Variants in SH3D21 observed in about 807,000 individuals in gnomAD.
SH3D21 encodes the protein SH3 domain-containing protein 21.
A neutral mutation model predicts 82.1 loss-of-function variants in SH3D21; 83 were observed. The ratio of observed to expected loss-of-function variants is 1.01; its 90% CI spans 0.85 to 1.21. The LOEUF (loss-of-function observed/expected upper bound fraction) is 1.21, where lower values mean the gene tolerates loss of function less well. Among genes scored for constraint, SH3D21 ranks in the 50% most tolerant of loss-of-function variants. The pLI is 0.00. For synonymous variants in SH3D21, 383 were observed against 387.8 expected, an observed-to-expected ratio of 0.99 and a Z score of 0.15; for missense variants, 980 against 962.1, an observed-to-expected ratio of 1.02 and a Z score of -0.25.
chr1:36,322,628 G>A, downstream of SH3D21: 4 of 1,545,530 alleles, frequency 2.6e-6, no homozygotes, highest in Non-Finnish European at 2.6e-6. Context: ...GCCGCGGGCG[G>A]GGCGCCCACG....
chr1:36,322,068 C>T (rs1646472450), downstream of SH3D21: 1 of 1,346,342 alleles, frequency 7.4e-7, no homozygotes, highest in East Asian at 3.0e-5. Context: ...GGTCACTTCA[C>T]CTCTTCATCG....
chr1:36,322,616 G>A, downstream of SH3D21: 1 of 1,547,786 alleles, frequency 6.5e-7, no homozygotes, highest in Non-Finnish European at 8.7e-7. Context: ...CCGGGCCCCG[G>A]GGCCGCGGGC....
chr1:36,320,626 C>CA lies in SH3D21; in HGVS notation c.1969dup (p.Thr657AsnfsTer30), dbSNP rs779458156. The CA allele has an allele frequency of 2.5e-6, 4 of 1,614,216 alleles. No homozygotes were observed. In the South Asian group the frequency reaches 4.4e-5, roughly 18 times the overall value. Reference sequence around the variant, plus strand: ...GCCCCCCATAGAAAGAGCCTTTGCCCAAAAAACACGTCCTATCAAGCCGCC... The same window carrying CA: ...GCCCCCCATAGAAAGAGCCTTTGCCCAAAAAAACACGTCCTATCAAGCCGCC... On this transcript the variant is annotated frameshift_variant, in exon 14 of 16. Transcript: ENST00000453908. LOFTEE classifies it high-confidence loss of function.
intron 10 of SH3D21, among the ~76,000 whole-genome samples, chr1:36,318,254 G>A (rs1646377158): frequency 6.6e-6 from 1 of 152,160 alleles, no homozygotes; most frequent in African/African-American, 2.4e-5. Context: ...AGGTTCAAGG[G>A]GCATGGGTTT....
At chr1:36,325,532 A>G (rs1296738097), downstream of SH3D21, among the ~76,000 whole-genome samples, 2 of 151,234 alleles carry the variant, frequency 1.3e-5, no homozygotes, top group Non-Finnish European at 3.0e-5. Flanking sequence ...ACTGAGGGAC[A>G]GTTTTTTTTT....
At chr1:36,308,344 T>C (rs1485169933) in intron 8 of SH3D21, 45 bp from the exon 9 acceptor site, 6 of 1,533,680 alleles carry the variant, frequency 3.9e-6, no homozygotes, top group Non-Finnish European at 5.3e-6. Flanking sequence ...GGAAAGGACC[T>C]TGGGGGACCT....
Position 36,320,967 on chromosome 1 carries a change from C to T in SH3D21, c.2188C>T (p.Arg730Trp), listed in dbSNP as rs201172117. 5.2e-4 allele frequency: 814 copies of T among 1,570,924 alleles called. 11 individuals carry two copies. The East Asian group carries it at 0.012, about 23-fold the overall frequency. Reference protein sequence around the residue: ...EELKSEKEQRRRLEVQVMQGT... With the variant: ...EELKSEKEQRWRLEVQVMQGT... ...GCTGAAGAGCGAGAAGGAGCAGCGC[C>T]GGCGGCTGGAGGTGAGGCGCGGGTC... The change falls in exon 15 of 16, where the codon CGG (arginine) becomes TGG (tryptophan). Residue 730 changes from arginine (R) to tryptophan (W), a missense_variant. By Grantham distance (101) the Arg-to-Trp change is moderately radical. Transcript: ENST00000453908.
downstream of SH3D21, chr1:36,322,526 C>T: frequency 6.2e-7 from 1 of 1,600,676 alleles, no homozygotes; most frequent in Non-Finnish European, 8.5e-7. Flanking sequence ...CGTCGGGGCC[C>T]AGCCGAGTCA....
chr1:36,321,294 C>A lies in SH3D21; in HGVS notation c.*167C>A. The stretch of plus-strand genomic sequence containing the variant: ...GGGGCAGGGCCTGGGCCTCCGCATT[C>A]CTGACGGTCCCTCCCAGGCACATCT... On this transcript the variant is annotated 3_prime_UTR_variant, in exon 16 of 16. Coordinates refer to ENST00000453908, the MANE Select transcript of SH3D21 (RefSeq NM_001162530.2). This position sits in a 1 kb window ranked among gnomAD's most constrained non-coding sequence, Gnocchi z 6.1. The A allele has an allele frequency of 6.9e-7, 1 of 1,442,118 alleles. No homozygotes were observed. Among genetic ancestry groups the A allele is most frequent in the East Asian group, 2.5e-5 (1 of 40,122 alleles). The allele number at this position is 1,442,118 out of a possible 1,614,324, so 89.3% of individuals were successfully genotyped here.
At position 36,307,930 on chromosome 1, in the gene SH3D21, G is replaced by C. The variant is rs1484187223; in HGVS notation, c.505G>C (p.Ala169Pro). ...CTTCCCCCACTAGCTGAGCAGCCTGGCCTATGACAGCCCTCCAGACTACCT... is the reference window on the plus strand; with the variant it reads ...CTTCCCCCACTAGCTGAGCAGCCTGCCCTATGACAGCCCTCCAGACTACCT... ...PQRPPKLSSL[A>P]YDSPPDYLQT... is the part of the protein sequence containing the mutation. The change falls in exon 7 of 16, where the codon GCC becomes CCC. Residue 169 changes from alanine to proline, a missense_variant. Coordinates refer to ENST00000453908, the MANE Select transcript of SH3D21 (RefSeq NM_001162530.2). This position sits in a 1 kb window ranked among gnomAD's most constrained non-coding sequence, Gnocchi z 5.4. The C allele has an allele frequency of 6.4e-7, 1 of 1,551,702 alleles. No individual in the cohort carries two copies. The highest frequency in any genetic ancestry group is 2.0e-5 in the Admixed American group (1 of 50,994).
At chr1:36,324,475 T>C (rs1646520859), downstream of SH3D21, 1 of 152,310 alleles carries the variant, frequency 6.6e-6, no homozygotes, top group Non-Finnish European at 1.5e-5. Context: ...CCCCCCATCA[T>C]GGACCTCCCC....
chr1:36,324,366 T>A (rs1375615464), downstream of SH3D21: 1 of 151,658 alleles, frequency 6.6e-6, no homozygotes, highest in East Asian at 1.9e-4. Flanking sequence ...AACCTGCCTG[T>A]GCTCACACAC....
chr1:36,312,292 G>A (rs1215821536), intron 10 of SH3D21, among the ~76,000 whole-genome samples: 2 of 152,146 alleles, frequency 1.3e-5, no homozygotes, highest in Non-Finnish European at 2.9e-5. Context: ...CAAAGTGCTG[G>A]GATTACAGGC....
In SH3D21 at chr1:36,319,332, A is replaced by C; in HGVS notation, c.916+20A>C. The C allele has an allele frequency of 6.4e-7, 1 of 1,551,528 alleles. No individual in the cohort carries two copies. The highest frequency in any genetic ancestry group is 1.4e-5 in the African/African-American group (1 of 73,116). Reference sequence around the variant, plus strand: ...ACTCAGGCAAGGGCTGCCTTCCTCCAGTGCGGGGAGGACTGGAGGACAGGG... The same window carrying C: ...ACTCAGGCAAGGGCTGCCTTCCTCCCGTGCGGGGAGGACTGGAGGACAGGG... On this transcript the variant is annotated intron_variant, in intron 12 of 15. Transcript: ENST00000453908.
At chr1:36,327,895 G>C (rs149760802), downstream of SH3D21, 1,404 of 1,288,096 alleles carry the variant, frequency 1.1e-3, 12 homozygotes, top group African/African-American at 0.02. Flanking sequence ...TTGACTGCCT[G>C]CTGCTCCCCA....
At chr1:36,328,443 G>T, downstream of SH3D21, 1 of 302,626 alleles carries the variant, frequency 3.3e-6, no homozygotes, top group South Asian at 3.0e-5. Context: ...TGGGACAGCT[G>T]CTGGAAAGAG....
In SH3D21 at chr1:36,307,313, G is replaced by A. The variant is rs572045174; in HGVS notation, c.345+28G>A. The stretch of plus-strand genomic sequence containing the variant: ...GAGGGGTGAGGTGATGGGACCGTTT[G>A]GGGGAGGATGATGGAACGCGCCTCC... On this transcript the variant is annotated intron_variant, in intron 4 of 15. Transcript: ENST00000453908. The surrounding 1 kb of genome is among the most constrained non-coding windows in gnomAD (Gnocchi z 5.4). 2.6e-6 allele frequency: 4 copies of A among 1,550,976 alleles called. No individual in the cohort carries two copies. The highest frequency in any genetic ancestry group is 2.7e-5 in the African/African-American group (2 of 73,050).
chr1:36,323,524 G>GCCGCCC (rs2124707365), downstream of SH3D21: 1 of 152,184 alleles, frequency 6.6e-6, no homozygotes, highest in Non-Finnish European at 1.5e-5. Flanking sequence ...ACTGGGTCCG[G>GCCGCCC]CCGCCCCCGC....
chr1:36,313,521 T>C (rs1646280358), intron 10 of SH3D21, among the ~76,000 whole-genome samples: 1 of 152,182 alleles, frequency 6.6e-6, no homozygotes, highest in Non-Finnish European at 1.5e-5. Flanking sequence ...TTACGTGTTT[T>C]TAACTATTTT....
Sources: allele counts gnomAD v4.1 joint callset (sites outside exome capture counted in the v4.1 genomes callset), GRCh38; gene constraint gnomAD v4.1.1; non-coding constraint Gnocchi (gnomAD v3.1); transcripts MANE v1.5; gene names NCBI Gene and HGNC (gene_info 2026-07-23, HGNC 2026-07-21).